Variants in EDEM3 observed in about 807,000 individuals in gnomAD.
The protein encoded by EDEM3 is ER degradation enhancing alpha-mannosidase like protein 3.
EDEM3 carries 60 observed loss-of-function variants against 110.2 expected under a neutral mutation model. The observed-to-expected ratio is 0.54, with a 90% CI of 0.44 to 0.67. The LOEUF is 0.67. Among genes scored for constraint, EDEM3 ranks in the 30% least tolerant of loss-of-function variants. EDEM3 has a pLI of 0.00. For missense variants in EDEM3, 996 were observed against 1,121.0 expected (o/e 0.89, Z 1.59); for synonymous variants, 352 against 382.9 (o/e 0.92, Z 0.94).
chr1:184,746,070 G>A (rs1037167063), intron 2 of EDEM3, among the ~76,000 whole-genome samples: 7 of 152,172 alleles, frequency 4.6e-5, no homozygotes, highest in African/African-American at 1.7e-4. Context: ...TTTGGTAAAC[G>A]AGAAAGCCAT....
intron 6 of EDEM3, among the ~76,000 whole-genome samples, chr1:184,732,356 G>A (rs1400435714): frequency 6.6e-6 from 1 of 152,048 alleles, no homozygotes; most frequent in East Asian, 1.9e-4. Context: ...GATGGTTAAC[G>A]GGTATAGAAA....
chr1:184,698,204 G>A (rs140200735), intron 19 of EDEM3, among the ~76,000 whole-genome samples: 1,622 of 151,632 alleles, frequency 0.011, 25 homozygotes, highest in African/African-American at 0.036. Context: ...ACCTTTTTTG[G>A]AATGCAACTT....
At chr1:184,704,252 C>T (rs1450212800) in intron 18 of EDEM3, among the ~76,000 whole-genome samples, 2 of 152,112 alleles carry the variant, frequency 1.3e-5, no homozygotes, top group Non-Finnish European at 2.9e-5. Context: ...CAAAAAACAG[C>T]TAATTCCTAA....
intron 18 of EDEM3, among the ~76,000 whole-genome samples, chr1:184,705,885 T>C (rs1649896751): frequency 6.6e-6 from 1 of 152,048 alleles, no homozygotes; most frequent in Non-Finnish European, 1.5e-5. Flanking sequence ...TGATTGTCTA[T>C]GAAAGATAAA....
In EDEM3 at chr1:184,712,473, CAA is replaced by C. The variant is rs751790781; in HGVS notation, c.1494_1495del (p.Trp499AlafsTer10). On this transcript the variant is annotated frameshift_variant, in exon 14 of 20. Coordinates refer to ENST00000318130, the MANE Select transcript of EDEM3 (RefSeq NM_025191.4). LOFTEE classifies it high-confidence loss of function. Reference sequence around the variant, plus strand: ...GATGCTTTGATTTGTAGTAGAGAGCCAAAGAGGTAACAGATGAGCTTCTGTTG... The same window carrying C: ...GATGCTTTGATTTGTAGTAGAGAGCCAGAGGTAACAGATGAGCTTCTGTTG... The C allele has an allele frequency of 6.2e-7, 1 of 1,603,226 alleles. No individual in the cohort carries two copies. The highest frequency in any genetic ancestry group is 8.5e-7 in the Non-Finnish European group (1 of 1,176,874).
intron 19 of EDEM3, among the ~76,000 whole-genome samples, chr1:184,701,989 C>T (rs1447107846): frequency 6.6e-6 from 1 of 151,974 alleles, no homozygotes; most frequent in Non-Finnish European, 1.5e-5. Context: ...TGTAACAACC[C>T]TGTACTATTA....
Position 184,722,089 on chromosome 1 carries a change from C to T in EDEM3, c.854-703G>A, listed in dbSNP as rs1364142650. On this transcript the variant is annotated intron_variant, in intron 8 of 19. Coordinates refer to ENST00000318130, the MANE Select transcript of EDEM3 (RefSeq NM_025191.4). ...TGCATTTGTATTTGCATTATAAATG[C>T]ATTAAGCCTTCTCTGTTTATGTGTA... Among the ~76,000 whole-genome samples, 3 of 151,952 alleles carry T rather than the reference C, an allele frequency of 2.0e-5. No individual in the cohort carries two copies. The East Asian group carries it at 5.8e-4, about 29-fold the overall frequency.
intron 16 of EDEM3, among the ~76,000 whole-genome samples, chr1:184,709,859 T>C (rs1650130606): frequency 1.3e-5 from 2 of 152,200 alleles, no homozygotes; most frequent in East Asian, 1.9e-4. Flanking sequence ...TCAGAATCAA[T>C]ATACTAATAA....
Position 184,706,689 on chromosome 1 carries a change from C to G in EDEM3, c.2157G>C (p.Lys719Asn), listed in dbSNP as rs774774173. The change falls in exon 18 of 20, where the codon AAG (lysine) becomes AAC (asparagine). Residue 719 changes from lysine to asparagine, a missense_variant. Transcript: ENST00000318130. ...CTCCAGCATTCTGGATGTTGCGTGC[C>G]TTTTCTGCAAACATGCACTGTCCTC... is the stretch of plus-strand genomic sequence containing the variant. Reference protein sequence around the residue: ...IQRGQCMFAEKARNIQNAGAI... With the variant: ...IQRGQCMFAENARNIQNAGAI... 6.2e-7 allele frequency: 1 copy of G among 1,613,442 alleles called. No individual in the cohort carries two copies. Among genetic ancestry groups the G allele is most frequent in the Non-Finnish European group, 8.5e-7 (1 of 1,179,600 alleles).
intron 19 of EDEM3, among the ~76,000 whole-genome samples, chr1:184,702,546 T>C (rs980850460): frequency 1.3e-5 from 2 of 152,220 alleles, no homozygotes; most frequent in African/African-American, 4.8e-5. Flanking sequence ...TGTATTTTTA[T>C]CACCTGAACA....
chr1:184,718,899 G>T (rs1227866586), intron 11 of EDEM3, among the ~76,000 whole-genome samples: 6 of 151,936 alleles, frequency 3.9e-5, no homozygotes, highest in African/African-American at 1.5e-4. Context: ...GAACTAAGCT[G>T]GGAATTTTTT....
chr1:184,721,899 T>C (rs1650923637), intron 8 of EDEM3, among the ~76,000 whole-genome samples: 2 of 151,884 alleles, frequency 1.3e-5, no homozygotes, highest in African/African-American at 2.4e-5. Context: ...CTGAACCAAC[T>C]CTAGACAAAA....
intron 7 of EDEM3, among the ~76,000 whole-genome samples, chr1:184,725,177 T>C (rs1229172696): frequency 1.3e-5 from 2 of 150,782 alleles, no homozygotes; most frequent in Non-Finnish European, 3.0e-5. Context: ...ATTCAAGAAT[T>C]TTTTTTTTTA....
chr1:184,700,724 A>G (rs1467642768), intron 19 of EDEM3, among the ~76,000 whole-genome samples: 1 of 151,986 alleles, frequency 6.6e-6, no homozygotes, highest in Non-Finnish European at 1.5e-5. Flanking sequence ...TAGTAATGGT[A>G]TAGGACAAAT....
chr1:184,733,731 G>C (rs1471305938), intron 5 of EDEM3, among the ~76,000 whole-genome samples: 1 of 151,866 alleles, frequency 6.6e-6, no homozygotes, highest in Non-Finnish European at 1.5e-5. Flanking sequence ...GGGAGGCTGA[G>C]GCAGGAGAAT....
chr1:184,712,688 C>G (rs1280088813), intron 13 of EDEM3, 90 bp from the exon 14 acceptor site: 1 of 836,610 alleles, frequency 1.2e-6, no homozygotes, highest in African/African-American at 1.8e-5. Context: ...GTTAATAATC[C>G]TGTCTATACC....
rs1450647038 is a variant in EDEM3 at position 184,692,875 on chromosome 1, C to T, written c.*1188G>A. 1 of 150,436 alleles carries T rather than the reference C, an allele frequency of 6.6e-6. No individual in the cohort carries two copies. Among genetic ancestry groups the T allele is most frequent in the Non-Finnish European group, 1.5e-5 (1 of 67,824 alleles). The allele number at this position is 150,436 out of a possible 1,614,324, so 9.3% of individuals were successfully genotyped here. On this transcript the variant is annotated 3_prime_UTR_variant, in exon 20 of 20. Transcript: ENST00000318130. ...TACTTTTTTTTTTAAACACAGGTCA[C>T]CATACACTAATTTTCAAGTCCGTAT...
chr1:184,732,930 CTGCATATATT>C lies in EDEM3; in HGVS notation c.509_518del (p.Glu170GlyfsTer14). On this transcript the variant is annotated frameshift_variant, in exon 6 of 20. Transcript: ENST00000318130. LOFTEE classifies it high-confidence loss of function. ...TTTGGAGAAGTTCATCATTGTACCA[CTGCATATATT>C]CACCTTTTTCTTTCAGCATGATTGC... is the stretch of plus-strand genomic sequence containing the variant. 6.2e-7 allele frequency: 1 copy of C among 1,614,092 alleles called. No individual in the cohort carries two copies. Among genetic ancestry groups the C allele is most frequent in the Non-Finnish European group, 8.5e-7 (1 of 1,179,976 alleles).
intron 2 of EDEM3, among the ~76,000 whole-genome samples, chr1:184,738,393 C>T (rs1651949375): frequency 6.6e-6 from 1 of 152,120 alleles, no homozygotes; most frequent in Non-Finnish European, 1.5e-5. Flanking sequence ...GAGTCTATCC[C>T]CTTAGCAGTA....
Sources: allele counts gnomAD v4.1 joint callset (sites outside exome capture counted in the v4.1 genomes callset), GRCh38; gene constraint gnomAD v4.1.1; transcripts MANE v1.5; gene names NCBI Gene and HGNC (gene_info 2026-07-23, HGNC 2026-07-21).